Variants in SLC5A6 observed in about 807,000 individuals in gnomAD.
The protein encoded by SLC5A6 is solute carrier family 5 member 6.
Under a neutral mutation model 67.9 loss-of-function variants are expected in SLC5A6, and 31 were observed. The observed-to-expected ratio is 0.46, with a 90% CI of 0.34 to 0.62. The LOEUF (loss-of-function observed/expected upper bound fraction) is 0.62. Ranked by LOEUF, SLC5A6 falls within the 20% of genes least tolerant of loss-of-function variation. The pLI is 0.01. For missense variants in SLC5A6, 673 were observed against 812.8 expected (o/e 0.83, Z 2.09); for synonymous variants, 343 against 331.0 (o/e 1.04, Z -0.39).
Position 27,204,823 on chromosome 2 carries a change from G to T in SLC5A6, c.843C>A (p.Tyr281Ter). ...YGVNQAQVQR[Y>*]LSSRTEKAAV... ...CAGCCTTCTCCGTGCGGGAACTGAGGTACCGCTGCACCTGAGCCTGGTTCA... is the reference window on the plus strand; with the variant it reads ...CAGCCTTCTCCGTGCGGGAACTGAGTTACCGCTGCACCTGAGCCTGGTTCA... The change falls in exon 8 of 17, where the codon TAC (tyrosine) becomes TAA (stop). Residue 281 changes from tyrosine to a stop codon, truncating the protein, a stop_gained. Coordinates refer to ENST00000310574, the MANE Select transcript of SLC5A6 (RefSeq NM_021095.4). LOFTEE classifies it high-confidence loss of function. 1.9e-6 allele frequency: 3 copies of T among 1,614,094 alleles called. No homozygotes were observed. The highest frequency in any genetic ancestry group is 2.5e-6 in the Non-Finnish European group (3 of 1,179,994).
At position 27,212,039 on chromosome 2, in the gene SLC5A6, C is replaced by CCGAGTTTCTGCGAAGCCG. The variant is rs1458203591; in HGVS notation, c.-245_-228dup. ...GTTTACTGAGGGCGGATGGAGGGGC[C>CCGAGTTTCTGCGAAGCCG]CGAGTTTCTGCGAAGCCGCGACCTC... On this transcript the variant is annotated 5_prime_UTR_variant, in exon 1 of 17. Coordinates refer to ENST00000310574, the MANE Select transcript of SLC5A6 (RefSeq NM_021095.4). 1.1e-6 allele frequency: 1 copy of CCGAGTTTCTGCGAAGCCG among 891,578 alleles called. No homozygotes were observed. The highest frequency in any genetic ancestry group is 1.6e-6 in the Non-Finnish European group (1 of 614,500). The allele number at this position is 891,578 out of a possible 1,614,324, so 55.2% of individuals were successfully genotyped here. A position where few individuals can be genotyped will look rare whatever the true frequency, so the allele number is the denominator to read the frequency against.
intron 2 of SLC5A6, among the ~76,000 whole-genome samples, chr2:27,209,022 A>G (rs1346677410): frequency 6.6e-6 from 1 of 152,228 alleles, no homozygotes; most frequent in Non-Finnish European, 1.5e-5. Context: ...ATCCTCAGAG[A>G]AAGAGGGAAG....
In SLC5A6 at chr2:27,203,838, CAGG is replaced by C. The variant is rs1259560047; in HGVS notation, c.1032_1034del (p.Leu345del). 2.5e-6 allele frequency: 4 copies of C among 1,613,950 alleles called. No homozygotes were observed. In the Admixed American group the frequency reaches 6.7e-5, roughly 27 times the overall value. On this transcript the variant is annotated inframe_deletion, in exon 10 of 17. Coordinates refer to ENST00000310574, the MANE Select transcript of SLC5A6 (RefSeq NM_021095.4). ...GCCCTGGCAGGCCTGGCAGGCCCTT[CAGG>C]AGATCCATCACAAAGTACAGGACGA...
chr2:27,208,060 CA>C (rs1674204151), intron 2 of SLC5A6, among the ~76,000 whole-genome samples: 1 of 152,110 alleles, frequency 6.6e-6, no homozygotes, highest in South Asian at 2.1e-4. Flanking sequence ...ACCCGAGTAC[CA>C]AAAGAAAAAT....
rs557049486 is a variant in SLC5A6 at position 27,205,833 on chromosome 2, C to A, written c.579+193G>T. Among the ~76,000 whole-genome samples the A allele has an allele frequency of 5.3e-5, 8 of 152,288 alleles. No homozygotes were observed. The East Asian group carries it at 1.5e-3, about 29-fold the overall frequency. On this transcript the variant is annotated intron_variant, in intron 6 of 16. Coordinates refer to ENST00000310574, the MANE Select transcript of SLC5A6 (RefSeq NM_021095.4). ...CATGTAATTGCTGTGACCCTGTTGA[C>A]ATCATTCCCATCCCATCCTCTACCT...
chr2:27,205,515 A>G lies in SLC5A6; in HGVS notation c.580-11T>C. 1.2e-6 allele frequency: 2 copies of G among 1,614,144 alleles called. No homozygotes were observed. The highest frequency in any genetic ancestry group is 1.7e-6 in the Non-Finnish European group (2 of 1,179,994). On this transcript the variant is annotated splice_polypyrimidine_tract_variant and intron_variant, in intron 6 of 16. Coordinates refer to ENST00000310574, the MANE Select transcript of SLC5A6 (RefSeq NM_021095.4). ...GGCCTTCAGCCCACCCTGCAAGGAAAGCACAGCAAACCTGCCACAGAGGCC... is the reference window on the plus strand; with the variant it reads ...GGCCTTCAGCCCACCCTGCAAGGAAGGCACAGCAAACCTGCCACAGAGGCC...
intron 5 of SLC5A6, 92 bp downstream of exon 5, chr2:27,206,391 T>G (rs1460715704): frequency 8.1e-7 from 1 of 1,238,046 alleles, no homozygotes; most frequent in Non-Finnish European, 1.2e-6. Context: ...CAAGGTCAGG[T>G]TCTTTTCCAC....
chr2:27,210,436 C>CT (rs1317473670), intron 2 of SLC5A6, among the ~76,000 whole-genome samples: 3 of 151,730 alleles, frequency 2.0e-5, no homozygotes, highest in African/African-American at 4.8e-5. Context: ...GGACCCCCCC[C>CT]CCTTTTTTTT....
At chr2:27,205,901 C>T in intron 6 of SLC5A6, 125 bp downstream of exon 6, 1 of 736,748 alleles carries the variant, frequency 1.4e-6, no homozygotes, top group South Asian at 1.8e-5. Context: ...TAAATCTTAC[C>T]ACCCCAGAAT....
In SLC5A6 at chr2:27,201,385, A is replaced by G; in HGVS notation, c.1613T>C (p.Val538Ala). 6.2e-7 allele frequency: 1 copy of G among 1,612,970 alleles called. No individual in the cohort carries two copies. The highest frequency in any genetic ancestry group is 8.5e-7 in the Non-Finnish European group (1 of 1,179,044). The change falls in exon 15 of 17, where the codon GTG becomes GCG. Residue 538 changes from valine to alanine, a missense_variant. By Grantham distance (64) the Val-to-Ala change is moderately conservative. Coordinates refer to ENST00000310574, the MANE Select transcript of SLC5A6 (RefSeq NM_021095.4). ...LWYSAHNSTT[V>A]IVVGLIVSLL... Reference sequence around the variant, plus strand: ...ACTGACAATCAGGCCCACCACAATCACTGTGGTGGAGTTGTGAGCACTGTA... The same window carrying G: ...ACTGACAATCAGGCCCACCACAATCGCTGTGGTGGAGTTGTGAGCACTGTA...
chr2:27,200,583 C>G lies in SLC5A6; in HGVS notation c.1765-4G>C, dbSNP rs1673543064. On this transcript the variant is annotated splice_polypyrimidine_tract_variant and splice_region_variant and intron_variant, in intron 16 of 16. Transcript: ENST00000310574. The stretch of plus-strand genomic sequence containing the variant: ...ACAGGCCAGTGTCGAGGTGGTCCTG[C>G]AAACACAGAGCCAAAGGGGTGGAAC... 1 of 1,609,326 alleles carries G rather than the reference C, an allele frequency of 6.2e-7. No homozygotes were observed. Among genetic ancestry groups the G allele is most frequent in the South Asian group, 1.1e-5 (1 of 90,440 alleles).
chr2:27,208,777 T>C (rs1674261473), intron 2 of SLC5A6: 1 of 152,606 alleles, frequency 6.6e-6, no homozygotes, highest in Non-Finnish European at 1.5e-5. Context: ...GTGTTCCAAA[T>C]GGCCCTATCA....
At position 27,203,009 on chromosome 2, in the gene SLC5A6, C is replaced by T. The variant is rs528342197; in HGVS notation, c.1208-129G>A. ...TGGAAACAAAAGGCATATTACATCA[C>T]GCCCCAGCTTCCTCCCACCAAGTCC... On this transcript the variant is annotated intron_variant, in intron 11 of 16. Transcript: ENST00000310574. The T allele has an allele frequency of 2.5e-3, 3,841 of 1,525,348 alleles. 45 individuals carry two copies. The highest frequency in any genetic ancestry group is 0.022 in the South Asian group (1,684 of 76,096). The allele number at this position is 1,525,348 out of a possible 1,614,324, so 94.5% of individuals were successfully genotyped here.
chr2:27,212,041 G>C lies in SLC5A6; in HGVS notation c.-229C>G, dbSNP rs1347230866. The C allele has an allele frequency of 1.3e-5, 12 of 912,500 alleles. No homozygotes were observed. Among genetic ancestry groups the C allele is most frequent in the South Asian group, 1.8e-5 (1 of 57,016 alleles). The allele number at this position is 912,500 out of a possible 1,614,324, so 56.5% of individuals were successfully genotyped here. ...TTACTGAGGGCGGATGGAGGGGCCC[G>C]AGTTTCTGCGAAGCCGCGACCTCGG... On this transcript the variant is annotated 5_prime_UTR_variant, in exon 1 of 17. Transcript: ENST00000310574.
In SLC5A6 at chr2:27,200,634, G is replaced by C. The variant is rs1341079539; in HGVS notation, c.1765-55C>G. On this transcript the variant is annotated intron_variant, in intron 16 of 16. Transcript: ENST00000310574. The stretch of plus-strand genomic sequence containing the variant: ...TGGTGAAGACGGATGACGGGTGCTT[G>C]ACAGGATTCACACAAAAAAGGTCCC... 1.7e-5 allele frequency: 26 copies of C among 1,557,504 alleles called. 1 individual carries two copies. The South Asian group carries it at 3.0e-4, about 18-fold the overall frequency.
rs760754638 is a variant in SLC5A6, at chr2:27,201,421, G to A, written c.1577C>T (p.Ser526Phe). The A allele has an allele frequency of 1.2e-6, 2 of 1,613,380 alleles. No homozygotes were observed. The highest frequency in any genetic ancestry group is 2.2e-5 in the South Asian group (2 of 91,054). The change falls in exon 15 of 17, where the codon TCT (serine) becomes TTT (phenylalanine). Residue 526 changes from serine (S) to phenylalanine (F), a missense_variant. Physicochemically the swap from Ser to Phe is radical, Grantham distance 155 (BLOSUM62 -2). Coordinates refer to ENST00000310574, the MANE Select transcript of SLC5A6 (RefSeq NM_021095.4). Reference protein sequence around the residue: ...PTGLQRFYSLSYLWYSAHNST... With the variant: ...PTGLQRFYSLFYLWYSAHNST... ...GTTGTGAGCACTGTACCATAAGTAA[G>A]ACAAGGAATAGAACCGCTGCAGCCC...
upstream of SLC5A6, chr2:27,212,468 G>A (rs79602377): frequency 1.3e-6 from 2 of 1,561,130 alleles, no homozygotes; most frequent in Middle Eastern, 1.7e-4. Context: ...GCTACCCGAG[G>A]TACAGAAGCA....
rs2148009650 is a variant in SLC5A6, at chr2:27,206,033, G to T, written c.572C>A (p.Thr191Lys). The change falls in exon 6 of 17, where the codon ACA (threonine) becomes AAA (lysine). Residue 191 changes from threonine to lysine, a missense_variant. Thr to Lys is a moderately conservative substitution (Grantham distance 78). Transcript: ENST00000310574. ...ACGGCTTACTGCACTTACCAGAGCT[G>T]TATAGACGGTACAGACAATGCCCAG... ...LALGIVCTVY[T>K]ALGGLKAVIW... 1 of 1,613,444 alleles carries T rather than the reference G, an allele frequency of 6.2e-7. No homozygotes were observed. Among genetic ancestry groups the T allele is most frequent in the Non-Finnish European group, 8.5e-7 (1 of 1,179,426 alleles).
chr2:27,212,292 G>A (rs776777155), upstream of SLC5A6: 1 of 1,552,588 alleles, frequency 6.4e-7, no homozygotes, highest in Non-Finnish European at 8.7e-7. Context: ...CACGCCCGGG[G>A]AAGAGGGCCT....
Sources: gnomAD v4.1 joint callset for allele counts (sites outside exome capture counted in the v4.1 genomes callset) on GRCh38, gnomAD v4.1.1 for gene constraint, MANE v1.5 for transcripts, NCBI Gene and HGNC (gene_info 2026-07-23, HGNC 2026-07-21) for gene names.